Variants in AK8 observed in about 807,000 individuals in gnomAD.
AK8 encodes ATP-AMP transphosphorylase 8.
In AK8, 44 loss-of-function variants were observed where a neutral mutation model predicts 54.6. That is an observed-to-expected ratio of 0.81 (90% CI 0.63 to 1.04). The LOEUF (loss-of-function observed/expected upper bound fraction) is 1.04, where lower values mean the gene tolerates loss of function less well. Ranked by LOEUF, AK8 falls within the 50% of genes least tolerant of loss-of-function variation. The pLI, the probability that AK8 is intolerant of heterozygous loss-of-function variation, is 0.00. For missense variants in AK8, 555 were observed against 613.6 expected (o/e 0.90, Z 1.01); for synonymous variants, 239 against 245.6 (o/e 0.97, Z 0.25).
At chr9:132,834,198 C>A (rs1842225948) in intron 5 of AK8, among the ~76,000 whole-genome samples, 1 of 152,204 alleles carries the variant, frequency 6.6e-6, no homozygotes, top group Non-Finnish European at 1.5e-5. Context: ...GGTTTCCCAA[C>A]ATAGAGGAGA....
At chr9:132,848,509 C>A (rs981743716) in intron 5 of AK8, among the ~76,000 whole-genome samples, 8 of 152,182 alleles carry the variant, frequency 5.3e-5, no homozygotes, top group African/African-American at 1.9e-4. Flanking sequence ...TCACTTCTGG[C>A]TGCCATTCCC....
At position 132,790,927 on chromosome 9, in the gene AK8, T is replaced by C. The variant is rs1332820120; in HGVS notation, c.1121+1707A>G. Reference sequence around the variant, plus strand: ...AATATGGAATGAAAATATCTTATTATAATATCAGTAAGAAGAACAAGAGAT... The same window carrying C: ...AATATGGAATGAAAATATCTTATTACAATATCAGTAAGAAGAACAAGAGAT... On this transcript the variant is annotated intron_variant, in intron 11 of 12. Coordinates refer to ENST00000298545, the MANE Select transcript of AK8 (RefSeq NM_152572.3). This position sits in a 1 kb window ranked among gnomAD's most constrained non-coding sequence, Gnocchi z 4.1. Among the ~76,000 whole-genome samples the C allele has an allele frequency of 6.6e-6, 1 of 152,180 alleles. No individual in the cohort carries two copies. Among genetic ancestry groups the C allele is most frequent in the Non-Finnish European group, 1.5e-5 (1 of 68,036 alleles).
chr9:132,814,945 T>G (rs867198868), intron 9 of AK8, among the ~76,000 whole-genome samples: 1 of 152,156 alleles, frequency 6.6e-6, no homozygotes, highest in East Asian at 1.9e-4. Flanking sequence ...TGAAAAGGAA[T>G]GCATTTGGCA....
intron 5 of AK8, among the ~76,000 whole-genome samples, chr9:132,848,099 G>A (rs1406503540): frequency 1.8e-5 from 2 of 110,636 alleles, no homozygotes; most frequent in East Asian, 5.6e-4. Context: ...CTGGGCAACA[G>A]AGCAACACCC....
chr9:132,775,550 G>A (rs1410000591), intron 11 of AK8, among the ~76,000 whole-genome samples: 3 of 152,034 alleles, frequency 2.0e-5, no homozygotes, highest in Non-Finnish European at 2.9e-5. Flanking sequence ...TGATCTGCCC[G>A]CCTCAGCCTC....
At chr9:132,874,992 C>T (rs1371083529) in intron 2 of AK8, 123 bp downstream of exon 2, 1 of 1,277,548 alleles carries the variant, frequency 7.8e-7, no homozygotes, top group Non-Finnish European at 1.1e-6. Flanking sequence ...CTCAGCTATT[C>T]TCGGGATGGG....
At chr9:132,773,956 G>C (rs1393992980) in intron 11 of AK8, among the ~76,000 whole-genome samples, 1 of 152,176 alleles carries the variant, frequency 6.6e-6, no homozygotes, top group African/African-American at 2.4e-5. Context: ...GAAGTGGGTA[G>C]GTGTGCTAAG....
At chr9:132,866,777 A>C (rs1017684384) in intron 3 of AK8, 127 bp downstream of exon 3, 2 of 917,562 alleles carry the variant, frequency 2.2e-6, no homozygotes, top group African/African-American at 1.7e-5. Context: ...TTTTGTAATA[A>C]GAAGGAGGAG....
chr9:132,820,721 G>A lies in AK8; in HGVS notation c.889+2484C>T, dbSNP rs1373631578. Among the ~76,000 whole-genome samples, 3 of 152,166 alleles carry A rather than the reference G, an allele frequency of 2.0e-5. No individual in the cohort carries two copies. In the East Asian group the frequency reaches 5.8e-4, roughly 29 times the overall value. On this transcript the variant is annotated intron_variant, in intron 9 of 12. Coordinates refer to ENST00000298545, the MANE Select transcript of AK8 (RefSeq NM_152572.3). ...TCTGATGAACTTTGTGGGAGTGAGT[G>A]TGGGGGCTGTCTGTTTTTTTGTTGG... is the stretch of plus-strand genomic sequence containing the variant.
At chr9:132,792,822 T>C (rs1207430316) in intron 10 of AK8, 47 bp from the exon 11 acceptor site, 1 of 1,534,026 alleles carries the variant, frequency 6.5e-7, no homozygotes, top group Non-Finnish European at 8.8e-7. Flanking sequence ...CGGCAGCCCA[T>C]GGGTCCTGGG....
At chr9:132,751,575 T>G (rs1728123435) in intron 11 of AK8, among the ~76,000 whole-genome samples, 1 of 150,872 alleles carries the variant, frequency 6.6e-6, no homozygotes, top group African/African-American at 2.4e-5. Flanking sequence ...TTTTGTTAGT[T>G]GTCTGTGAAT....
chr9:132,878,695 A>G (rs912011983), upstream of AK8: 2 of 987,256 alleles, frequency 2.0e-6, no homozygotes, highest in Non-Finnish European at 2.4e-6. The surrounding 1 kb of genome is among the most constrained non-coding windows in gnomAD (Gnocchi z 4.7). Context: ...GGGTGTTTGA[A>G]GGGGGAGGGG....
At chr9:132,818,111 C>T (rs1231416953) in intron 9 of AK8, among the ~76,000 whole-genome samples, 6 of 152,162 alleles carry the variant, frequency 3.9e-5, no homozygotes, top group Admixed American at 3.3e-4. Flanking sequence ...TTTCTATATG[C>T]AGCCAAAACA....
chr9:132,778,725 A>T (rs760475687), intron 11 of AK8, among the ~76,000 whole-genome samples: 19 of 152,224 alleles, frequency 1.2e-4, no homozygotes, highest in Non-Finnish European at 2.5e-4. Flanking sequence ...TCTGGTTTTT[A>T]ATTTCATAAT....
intron 11 of AK8, among the ~76,000 whole-genome samples, chr9:132,738,797 CA>C (rs1442894315): frequency 6.6e-6 from 1 of 151,294 alleles, no homozygotes; most frequent in Non-Finnish European, 1.5e-5. Context: ...TCTGCCCCCC[CA>C]GGCTGGAGTG....
At chr9:132,871,626 A>G (rs1417255944) in intron 2 of AK8, among the ~76,000 whole-genome samples, 1 of 152,224 alleles carries the variant, frequency 6.6e-6, no homozygotes, top group Non-Finnish European at 1.5e-5. Context: ...GCTGGCCCCC[A>G]GCTAGAGACG....
intron 10 of AK8, among the ~76,000 whole-genome samples, chr9:132,809,212 G>A: frequency 6.6e-6 from 1 of 152,160 alleles, no homozygotes; most frequent in Non-Finnish European, 1.5e-5. Flanking sequence ...GGGAATCTGG[G>A]ATGTCTCCAA....
chr9:132,835,088 T>A (rs986345429), intron 5 of AK8, among the ~76,000 whole-genome samples: 6 of 152,206 alleles, frequency 3.9e-5, no homozygotes, highest in African/African-American at 1.4e-4. Flanking sequence ...GCCAGGATGG[T>A]CTTGATCTCC....
chr9:132,824,004 G>A (rs1841769025), intron 8 of AK8, among the ~76,000 whole-genome samples: 1 of 152,214 alleles, frequency 6.6e-6, no homozygotes, highest in South Asian at 2.1e-4. Context: ...CCTGTGGTGT[G>A]CCCCTGGCAT....
Sources: allele counts gnomAD v4.1 joint callset (sites outside exome capture counted in the v4.1 genomes callset), GRCh38; gene constraint gnomAD v4.1.1; non-coding constraint Gnocchi (gnomAD v3.1); transcripts MANE v1.5; gene names NCBI Gene and HGNC (gene_info 2026-07-23, HGNC 2026-07-21).